The following MYEF2 variants were observed in gnomAD, a reference collection of about 807,000 sequenced individuals.
MYEF2 encodes myelin expression factor 2, also known as myelin gene expression factor 2.
In MYEF2, 37 loss-of-function variants were observed where a neutral mutation model predicts 75.2. The ratio of observed to expected loss-of-function variants is 0.49; its 90% CI spans 0.38 to 0.65. The LOEUF (loss-of-function observed/expected upper bound fraction) is 0.65. Among genes scored for constraint, MYEF2 ranks in the 30% least tolerant of loss-of-function variants. The pLI is 0.00. For synonymous variants in MYEF2, 195 were observed against 241.6 expected, an observed-to-expected ratio of 0.81 and a Z score of 1.79; for missense variants, 634 against 771.4, an observed-to-expected ratio of 0.82 and a Z score of 2.11.
chr15:48,152,458 T>C (rs975291236), intron 10 of MYEF2, 174 bp from the exon 11 acceptor site: 12 of 511,790 alleles, frequency 2.3e-5, no homozygotes, highest in Middle Eastern at 5.2e-4. Context: ...AGCTGTCTAA[T>C]CATGAATCTT....
chr15:48,140,304 C>T lies in MYEF2; in HGVS notation c.*2604G>A, dbSNP rs1455755940. On this transcript the variant is annotated 3_prime_UTR_variant, in exon 17 of 17. Transcript: ENST00000324324. ...AGTAACAGAAATTAACAACCAATTCCAATTCCAATATCAATGTATAAGCAT... is the reference window on the plus strand; with the variant it reads ...AGTAACAGAAATTAACAACCAATTCTAATTCCAATATCAATGTATAAGCAT... The T allele has an allele frequency of 6.6e-6, 1 of 151,400 alleles. No individual in the cohort carries two copies. The highest frequency in any genetic ancestry group is 2.4e-5 in the African/African-American group (1 of 41,208). The allele number at this position is 151,400 out of a possible 1,614,324, so 9.4% of individuals were successfully genotyped here. A position where few individuals can be genotyped will look rare whatever the true frequency, so the allele number is the denominator to read the frequency against.
chr15:48,170,539 A>G (rs2140930426), intron 1 of MYEF2, among the ~76,000 whole-genome samples: 1 of 152,340 alleles, frequency 6.6e-6, no homozygotes, highest in East Asian at 1.9e-4. Flanking sequence ...ACTGTGGATG[A>G]CACCCAGGAA....
At chr15:48,161,858 C>CT (rs542740860) in intron 5 of MYEF2, among the ~76,000 whole-genome samples, 2 of 142,858 alleles carry the variant, frequency 1.4e-5, no homozygotes, top group Admixed American at 6.9e-5. Context: ...TAATTCAAAG[C>CT]TTTTTTTAAT....
intron 2 of MYEF2, 79 bp from the exon 3 acceptor site, chr15:48,167,480 G>A: frequency 7.5e-7 from 1 of 1,329,934 alleles, no homozygotes; most frequent in Non-Finnish European, 1.1e-6. Flanking sequence ...GCACACCTGT[G>A]CACAACTCTA....
chr15:48,168,391 G>C (rs1255135504), intron 2 of MYEF2, among the ~76,000 whole-genome samples: 1 of 151,898 alleles, frequency 6.6e-6, no homozygotes, highest in Non-Finnish European at 1.5e-5. Context: ...CAAAATTCTT[G>C]GTGGCATGCA....
In MYEF2 at chr15:48,142,389, G is replaced by A. The variant is rs768018981; in HGVS notation, c.*519C>T. 55 of 1,321,156 alleles carry A rather than the reference G, an allele frequency of 4.2e-5. No individual in the cohort carries two copies. Among genetic ancestry groups the A allele is most frequent in the Non-Finnish European group, 4.7e-5 (46 of 975,474 alleles). 81.8% of individuals were successfully genotyped at this position (1,321,156 alleles called of 1,614,324 possible). On this transcript the variant is annotated 3_prime_UTR_variant, in exon 17 of 17. Transcript: ENST00000324324. ...TGTTATGCAGAAAATATGAATGGCAGGGAGGGGCAGAGAGAAAAATCCATT... is the reference window on the plus strand; with the variant it reads ...TGTTATGCAGAAAATATGAATGGCAAGGAGGGGCAGAGAGAAAAATCCATT...
intron 5 of MYEF2, among the ~76,000 whole-genome samples, chr15:48,162,166 G>T (rs1018319516): frequency 6.6e-6 from 1 of 151,958 alleles, no homozygotes; most frequent in African/African-American, 2.4e-5. Context: ...TTATATGTTG[G>T]TAGCATGGCC....
rs1162666475 is a variant in MYEF2 at position 48,135,875 on chromosome 15, A to C, written c.*7033T>G. ...AAGACACTGTGTTGGTAGAATAGAA[A>C]TCCTTCTAGAACTCAGCAGTTGTCT... On this transcript the variant is annotated 3_prime_UTR_variant, in exon 17 of 17. Transcript: ENST00000324324. 1 of 152,110 alleles carries C rather than the reference A, an allele frequency of 6.6e-6. No individual in the cohort carries two copies. The highest frequency in any genetic ancestry group is 2.4e-5 in the African/African-American group (1 of 41,436). 9.4% of individuals were successfully genotyped at this position (152,110 alleles called of 1,614,324 possible). A position where few individuals can be genotyped will look rare whatever the true frequency, so the allele number is the denominator to read the frequency against.
intron 6 of MYEF2, 67 bp from the exon 7 acceptor site, chr15:48,158,989 ATCTTT>A (rs2039823536): frequency 7.2e-7 from 1 of 1,395,298 alleles, no homozygotes; most frequent in South Asian, 1.3e-5. Flanking sequence ...AATACAAAAA[ATCTTT>A]TCTAAACTCT....
rs1170402797 is a variant in MYEF2, at chr15:48,136,999, C to T, written c.*5909G>A. ...AATCTTGCCCATTATTAAGTCTATT[C>T]GCAAAGGAAAAACTTTAAAATTTCA... is the stretch of plus-strand genomic sequence containing the variant. On this transcript the variant is annotated 3_prime_UTR_variant, in exon 17 of 17. Coordinates refer to ENST00000324324, the MANE Select transcript of MYEF2 (RefSeq NM_016132.5). The T allele has an allele frequency of 4.5e-6, 7 of 1,555,402 alleles. No homozygotes were observed. Among genetic ancestry groups the T allele is most frequent in the Admixed American group, 3.9e-5 (2 of 51,592 alleles).
chr15:48,148,037 T>C (rs1215332174), intron 16 of MYEF2, among the ~76,000 whole-genome samples: 2 of 151,926 alleles, frequency 1.3e-5, no homozygotes, highest in African/African-American at 4.8e-5. Flanking sequence ...ACTATTAATA[T>C]AATAAAAGCT....
chr15:48,148,891 G>A, intron 16 of MYEF2, 141 bp downstream of exon 16: 1 of 787,354 alleles, frequency 1.3e-6, no homozygotes, highest in East Asian at 2.4e-5. Flanking sequence ...ATTTGAAGTG[G>A]AATTAGACCT....
In MYEF2 at chr15:48,168,817, C is replaced by T; in HGVS notation, c.184G>A (p.Glu62Lys). The change falls in exon 2 of 17, where the codon GAA (glutamate) becomes AAA (lysine). Residue 62 changes from glutamate to lysine, a missense_variant. By Grantham distance (56) the Glu-to-Lys change is moderately conservative. Coordinates refer to ENST00000324324, the MANE Select transcript of MYEF2 (RefSeq NM_016132.5). ...TTTTCCTTTAAGTCAGATTTCTCTT[C>T]TTTTGCTGATTCATCATTCTCCCTG... ...VKMENDESAK[E>K]EKSDLKEKST... 6.2e-7 allele frequency: 1 copy of T among 1,612,698 alleles called. No homozygotes were observed. Among genetic ancestry groups the T allele is most frequent in the Non-Finnish European group, 8.5e-7 (1 of 1,179,282 alleles).
At chr15:48,173,890 G>A (rs576835895) in intron 1 of MYEF2, among the ~76,000 whole-genome samples, 7 of 152,052 alleles carry the variant, frequency 4.6e-5, no homozygotes, top group African/African-American at 1.4e-4. Context: ...CAGATGAGAG[G>A]AATTAATATT....
chr15:48,149,325 C>A lies in MYEF2; in HGVS notation c.1425G>T (p.Met475Ile). Residue 475 changes from methionine to isoleucine, a missense_variant, in exon 15 of 17, where the codon ATG becomes ATT. Met to Ile is a conservative substitution (Grantham distance 10, BLOSUM62 1). Transcript: ENST00000324324. This position sits in a 1 kb window ranked among gnomAD's most constrained non-coding sequence, Gnocchi z 4.0. ...AGCTGGAACTCATCCGGTCCAGTCC[C>A]ATCCCCATTCCTCCAGTCACACTGT... The part of the protein sequence containing the change: ...SMNSVTGGMG[M>I]GLDRMSSSFD... 1 of 1,613,116 alleles carries A rather than the reference C, an allele frequency of 6.2e-7. No homozygotes were observed.
At chr15:48,143,606 G>A (rs949845128) in intron 16 of MYEF2, among the ~76,000 whole-genome samples, 3 of 151,974 alleles carry the variant, frequency 2.0e-5, no homozygotes, top group Admixed American at 6.6e-5. Flanking sequence ...TGCCAAAGCC[G>A]TTTATTCAAT....
chr15:48,174,964 A>C (rs752775772), intron 1 of MYEF2, among the ~76,000 whole-genome samples: 2 of 152,132 alleles, frequency 1.3e-5, no homozygotes, highest in Admixed American at 6.5e-5. Context: ...TGAAATCACT[A>C]TCTCAAGGAG....
chr15:48,142,396 GC>G lies in MYEF2; in HGVS notation c.*511del. 1 of 1,277,120 alleles carries G rather than the reference GC, an allele frequency of 7.8e-7. No homozygotes were observed. The highest frequency in any genetic ancestry group is 1.8e-5 in the South Asian group (1 of 55,238). 79.1% of individuals were successfully genotyped at this position (1,277,120 alleles called of 1,614,324 possible). A position where few individuals can be genotyped will look rare whatever the true frequency, so the allele number is the denominator to read the frequency against. On this transcript the variant is annotated 3_prime_UTR_variant, in exon 17 of 17. Transcript: ENST00000324324. ...CAGAAAATATGAATGGCAGGGAGGG[GC>G]AGAGAGAAAAATCCATTTCTTCATT...
At chr15:48,167,043 G>GT (rs1436792110) in intron 3 of MYEF2, among the ~76,000 whole-genome samples, 2 of 151,846 alleles carry the variant, frequency 1.3e-5, no homozygotes, top group African/African-American at 2.4e-5. Flanking sequence ...GACTTTTAAA[G>GT]TATCCTTGAA....
Sources: allele counts gnomAD v4.1 joint callset (sites outside exome capture counted in the v4.1 genomes callset), GRCh38; gene constraint gnomAD v4.1.1; non-coding constraint Gnocchi (gnomAD v3.1); transcripts MANE v1.5; gene names NCBI Gene and HGNC (gene_info 2026-07-23, HGNC 2026-07-21).